Variants in RHEB observed in about 807,000 individuals in gnomAD.
The protein encoded by RHEB is GTP-binding protein Rheb.
A neutral mutation model predicts 28.8 loss-of-function variants in RHEB; 2 were observed. The ratio of observed to expected loss-of-function variants is 0.07; its 90% CI spans 0.03 to 0.22. RHEB has a LOEUF of 0.22. Among genes scored for constraint, RHEB ranks in the 10% least tolerant of loss-of-function variants. The probability of loss-of-function intolerance (pLI) is 1.00; values close to 1 mark genes in which losing one functional copy is unlikely to be tolerated. For missense variants in RHEB, 76 were observed against 219.9 expected, an observed-to-expected ratio of 0.35 and a Z score of 4.14; for synonymous variants, 69 against 77.3, an observed-to-expected ratio of 0.89 and a Z score of 0.56.
rs570714134 is a variant in RHEB, at chr7:151,471,452, GA to G, written c.333-12del. 27 of 1,561,542 alleles carry G rather than the reference GA, an allele frequency of 1.7e-5. No homozygotes were observed. The highest frequency in any genetic ancestry group is 5.2e-5 in the Admixed American group (3 of 57,580). ...AACATAATAGGTATTCTATTTGTAA[GA>G]AAAAAAAGACAAACCAGTAAGTGCC... On this transcript the variant is annotated splice_polypyrimidine_tract_variant and intron_variant, in intron 5 of 7. Coordinates refer to ENST00000262187, the MANE Select transcript of RHEB (RefSeq NM_005614.4).
chr7:151,487,237 G>A (rs1471646716), intron 2 of RHEB, among the ~76,000 whole-genome samples: 1 of 152,200 alleles, frequency 6.6e-6, no homozygotes, highest in Non-Finnish European at 1.5e-5. Flanking sequence ...GGTATTCAAG[G>A]TTACAGTGAG....
chr7:151,505,541 G>A (rs750869472), intron 1 of RHEB, among the ~76,000 whole-genome samples: 1 of 152,196 alleles, frequency 6.6e-6, no homozygotes, highest in Admixed American at 6.5e-5. Context: ...AAGCTCTCAT[G>A]TGCTGCTAGT....
intron 2 of RHEB, among the ~76,000 whole-genome samples, chr7:151,485,305 T>C (rs139589925): frequency 1.3e-5 from 2 of 152,370 alleles, no homozygotes; most frequent in African/African-American, 4.8e-5. Context: ...ACAGATGTTC[T>C]GTGTTGAAGC....
chr7:151,474,136 T>C (rs952240974), intron 4 of RHEB, among the ~76,000 whole-genome samples: 1 of 152,118 alleles, frequency 6.6e-6, no homozygotes, highest in Non-Finnish European at 1.5e-5. Flanking sequence ...ACACTGGAGA[T>C]TGACATCACC....
At chr7:151,512,846 C>T (rs561988496) in intron 1 of RHEB, among the ~76,000 whole-genome samples, 57 of 152,270 alleles carry the variant, frequency 3.7e-4, no homozygotes, top group African/African-American at 1.3e-3. Context: ...GAGGTCAAAA[C>T]GATATTCATA....
At chr7:151,496,228 C>T (rs966169077) in intron 1 of RHEB, among the ~76,000 whole-genome samples, 1 of 152,194 alleles carries the variant, frequency 6.6e-6, no homozygotes, top group Non-Finnish European at 1.5e-5. Flanking sequence ...TAATCCTCTC[C>T]ATGCAACTTC....
intron 2 of RHEB, among the ~76,000 whole-genome samples, chr7:151,485,090 T>TG (rs1802445228): frequency 6.6e-6 from 1 of 152,254 alleles, no homozygotes. Flanking sequence ...ATTTGAATGC[T>TG]GTGTGGCAAA....
intron 4 of RHEB, among the ~76,000 whole-genome samples, chr7:151,476,860 C>T (rs1360057140): frequency 6.6e-6 from 1 of 152,096 alleles, no homozygotes; most frequent in East Asian, 1.9e-4. Context: ...CTAGAGGAAC[C>T]GATATCCATT....
intron 1 of RHEB, chr7:151,502,298 A>T (rs1296700535): frequency 9.3e-6 from 7 of 750,966 alleles, no homozygotes; most frequent in Non-Finnish European, 1.4e-5. Flanking sequence ...ATCACTGATC[A>T]TTCCTCCCAA....
chr7:151,502,242 AAAAAAG>A, intron 1 of RHEB: 1 of 524,918 alleles, frequency 1.9e-6, no homozygotes, highest in Non-Finnish European at 3.4e-6. Context: ...AAAAAAAAAA[AAAAAAG>A]GAGCTTGGAG....
intron 2 of RHEB, among the ~76,000 whole-genome samples, chr7:151,490,500 T>C (rs1049160544): frequency 6.6e-6 from 1 of 152,176 alleles, no homozygotes; most frequent in Non-Finnish European, 1.5e-5. Context: ...CTCTTTCAAA[T>C]CTTTAGGGCT....
rs4726032 is a variant in RHEB at position 151,511,735 on chromosome 7, C to G, written c.52+7725G>C. Among the ~76,000 whole-genome samples the G allele has an allele frequency of 1.6e-3, 247 of 152,210 alleles. 1 individual carries two copies. The highest frequency in any genetic ancestry group is 0.011 in the Admixed American group (162 of 15,284). On this transcript the variant is annotated intron_variant, in intron 1 of 7. Transcript: ENST00000262187. Reference sequence around the variant, plus strand: ...CGATCTCGACTCACTGCAACCTCCCCCTTCGGGTTCAAGTGATTCTCCTGC... The same window carrying G: ...CGATCTCGACTCACTGCAACCTCCCGCTTCGGGTTCAAGTGATTCTCCTGC...
At chr7:151,473,708 G>C (rs1802207883) in intron 4 of RHEB, among the ~76,000 whole-genome samples, 1 of 151,720 alleles carries the variant, frequency 6.6e-6, no homozygotes, top group African/African-American at 2.4e-5. Flanking sequence ...CGAGCTACTA[G>C]AAAAAAAAGG....
At chr7:151,467,311 A>G (rs893076765) in intron 7 of RHEB, 100 bp from the exon 8 acceptor site, 10 of 837,846 alleles carry the variant, frequency 1.2e-5, no homozygotes, top group South Asian at 8.8e-5. Flanking sequence ...CTGCCCTCCT[A>G]CTGGTGGAGG....
At chr7:151,501,752 G>A (rs1193389330) in intron 1 of RHEB, 1 of 237,360 alleles carries the variant, frequency 4.2e-6, no homozygotes, top group Non-Finnish European at 8.4e-6. Flanking sequence ...CCCTGGCGGA[G>A]GAAGTGACAT....
intron 1 of RHEB, among the ~76,000 whole-genome samples, chr7:151,514,737 T>G (rs1803045799): frequency 6.6e-6 from 1 of 152,164 alleles, no homozygotes. Context: ...ACATTATTAT[T>G]CATAGTAGCC....
chr7:151,518,385 A>C (rs888776478), intron 1 of RHEB, among the ~76,000 whole-genome samples: 7 of 152,150 alleles, frequency 4.6e-5, no homozygotes, highest in African/African-American at 1.7e-4. Context: ...CCCGTTCCGC[A>C]ATCACGGGAG....
intron 1 of RHEB, chr7:151,519,097 C>G (rs1803134234): frequency 6.5e-6 from 1 of 153,018 alleles, no homozygotes; most frequent in Non-Finnish European, 1.5e-5. Context: ...GGCGGGGAGG[C>G]AGGTGTGACT....
At chr7:151,476,865 T>G (rs1802281403) in intron 4 of RHEB, among the ~76,000 whole-genome samples, 1 of 152,206 alleles carries the variant, frequency 6.6e-6, no homozygotes, top group Non-Finnish European at 1.5e-5. Context: ...GGAACCGATA[T>G]CCATTCTTAT....
Sources: allele counts gnomAD v4.1 joint callset (sites outside exome capture counted in the v4.1 genomes callset), GRCh38; gene constraint gnomAD v4.1.1; transcripts MANE v1.5; gene names NCBI Gene and HGNC (gene_info 2026-07-23, HGNC 2026-07-21).